ADAM22: variants seen among roughly 807,000 people sequenced by gnomAD.
The protein encoded by ADAM22 is disintegrin and metalloproteinase domain-containing protein 22.
A neutral mutation model predicts 144.6 loss-of-function variants in ADAM22; 65 were observed. That is an observed-to-expected ratio of 0.45 (90% CI 0.37 to 0.55). ADAM22 has a LOEUF of 0.55. Among genes scored for constraint, ADAM22 ranks in the 20% least tolerant of loss-of-function variants. The pLI is 0.00. For missense variants in ADAM22, 974 were observed against 1,184.9 expected (o/e 0.82, Z 2.61); for synonymous variants, 391 against 412.6 (o/e 0.95, Z 0.63).
chr7:87,964,022 A>G (rs1348206863), intron 2 of ADAM22, among the ~76,000 whole-genome samples: 1 of 152,196 alleles, frequency 6.6e-6, no homozygotes, highest in Non-Finnish European at 1.5e-5. Context: ...TTTCAGAGCT[A>G]AGGGTAGTCT....
intron 19 of ADAM22, 93 bp downstream of exon 19, chr7:88,151,124 T>C (rs1838223076): frequency 6.6e-7 from 1 of 1,521,046 alleles, no homozygotes; most frequent in Admixed American, 1.7e-5. Flanking sequence ...AATTTAAATG[T>C]TTGTAATCAA....
intron 31 of ADAM22, among the ~76,000 whole-genome samples, chr7:88,195,851 G>A (rs960661572): frequency 6.6e-6 from 1 of 152,306 alleles, no homozygotes; most frequent in Non-Finnish European, 1.5e-5. Context: ...AGTGATAGAA[G>A]TGGAGTGTAT....
At chr7:88,053,649 A>C (rs1310266988) in intron 3 of ADAM22, among the ~76,000 whole-genome samples, 1 of 149,350 alleles carries the variant, frequency 6.7e-6, no homozygotes, top group South Asian at 2.1e-4. Flanking sequence ...AGAAAGAAAG[A>C]AACCAAGTAA....
chr7:88,148,609 G>T (rs1028567463), intron 17 of ADAM22, among the ~76,000 whole-genome samples: 3 of 152,026 alleles, frequency 2.0e-5, no homozygotes, highest in African/African-American at 7.2e-5. Context: ...TTGATTCTTG[G>T]TAGATAAGGC....
At chr7:88,100,420 A>C (rs1822590852) in intron 4 of ADAM22, among the ~76,000 whole-genome samples, 1 of 152,162 alleles carries the variant, frequency 6.6e-6, no homozygotes. Flanking sequence ...ATTTTAATTT[A>C]CTGTAAATGA....
intron 3 of ADAM22, among the ~76,000 whole-genome samples, chr7:87,988,636 C>T (rs1789029371): frequency 6.6e-6 from 1 of 152,174 alleles, no homozygotes; most frequent in Admixed American, 6.5e-5. Context: ...ATTATTTCTT[C>T]TTAACTTCAG....
intron 26 of ADAM22, among the ~76,000 whole-genome samples, chr7:88,176,162 A>G (rs1563397286): frequency 6.6e-6 from 1 of 152,102 alleles, no homozygotes; most frequent in Admixed American, 6.6e-5. Context: ...TTTAGTAGAG[A>G]TGGGGTTTCA....
intron 3 of ADAM22, among the ~76,000 whole-genome samples, chr7:88,061,162 C>T (rs1294384709): frequency 1.3e-5 from 2 of 152,146 alleles, no homozygotes; most frequent in African/African-American, 4.8e-5. Flanking sequence ...CATTCAGTCA[C>T]ATCTTCAGAC....
chr7:88,161,144 C>CA (rs979302586), intron 22 of ADAM22, among the ~76,000 whole-genome samples: 6 of 146,906 alleles, frequency 4.1e-5, no homozygotes, highest in African/African-American at 7.6e-5. Context: ...CCCCCCCACC[C>CA]AAAAAAAATC....
chr7:88,081,807 A>G (rs1365632887), intron 4 of ADAM22, among the ~76,000 whole-genome samples: 1 of 144,798 alleles, frequency 6.9e-6, no homozygotes, highest in Non-Finnish European at 1.5e-5. Context: ...TTCAAGGAGA[A>G]CTACAAACCA....
chr7:87,958,688 T>TTAAAGTTTTTAACAATATTGTGGG (rs1382213297), intron 2 of ADAM22, among the ~76,000 whole-genome samples: 2 of 152,250 alleles, frequency 1.3e-5, no homozygotes, highest in African/African-American at 4.8e-5. Flanking sequence ...CCGGCCGACT[T>TTAAAGTTTTTAACAATATTGTGGG]TAAAGTTTTT....
intron 3 of ADAM22, among the ~76,000 whole-genome samples, chr7:88,046,087 G>A (rs1804624034): frequency 6.6e-6 from 1 of 152,120 alleles, no homozygotes. Context: ...TACCCAGAAG[G>A]GGGAGTGCTG....
At chr7:88,090,552 A>T (rs961670751) in intron 4 of ADAM22, among the ~76,000 whole-genome samples, 2 of 152,188 alleles carry the variant, frequency 1.3e-5, no homozygotes, top group African/African-American at 4.8e-5. Context: ...ATACATCTTC[A>T]TACATGAATA....
chr7:88,083,169 T>C (rs62486407), intron 4 of ADAM22, among the ~76,000 whole-genome samples: 56,161 of 152,060 alleles, frequency 0.37, 11,581 homozygotes, highest in South Asian at 0.61. Context: ...TAAAAAATGA[T>C]GAGCTCATGT....
intron 23 of ADAM22, among the ~76,000 whole-genome samples, chr7:88,163,623 C>A (rs1165754744): frequency 6.6e-6 from 1 of 151,942 alleles, no homozygotes; most frequent in African/African-American, 2.4e-5. Flanking sequence ...CCAGCGTGTA[C>A]AAGCTGAGGA....
chr7:88,095,924 GC>G (rs1287291589), intron 4 of ADAM22, among the ~76,000 whole-genome samples: 2 of 64,384 alleles, frequency 3.1e-5, no homozygotes, highest in Non-Finnish European at 6.6e-5. Context: ...CTCCCCACCC[GC>G]CCCCCACCCC....
chr7:88,095,423 T>G (rs147817599), intron 4 of ADAM22, among the ~76,000 whole-genome samples: 84 of 152,318 alleles, frequency 5.5e-4, no homozygotes, highest in African/African-American at 2.0e-3. Flanking sequence ...CCCAACAGTA[T>G]GTCAGATGTG....
chr7:88,194,341 G>A (rs989729691), intron 31 of ADAM22, among the ~76,000 whole-genome samples: 7 of 152,302 alleles, frequency 4.6e-5, no homozygotes, highest in Admixed American at 4.6e-4. Context: ...GACTGGCCCT[G>A]GGCTGAGCAG....
intron 3 of ADAM22, among the ~76,000 whole-genome samples, chr7:88,008,891 TATAATAATA>T (rs139336031): frequency 6.8e-6 from 1 of 146,824 alleles, no homozygotes; most frequent in Non-Finnish European, 1.5e-5. Context: ...AAACTTAAAG[TATAATAATA>T]ATAATAATAA....
Sources: gnomAD v4.1 joint callset for allele counts (sites outside exome capture counted in the v4.1 genomes callset) on GRCh38, gnomAD v4.1.1 for gene constraint, MANE v1.5 for transcripts, NCBI Gene and HGNC (gene_info 2026-07-23, HGNC 2026-07-21) for gene names.